RPL26: variants seen among roughly 807,000 people sequenced by gnomAD.
RPL26 encodes ribosomal protein L26.
A neutral mutation model predicts 16.2 loss-of-function variants in RPL26; 1 was observed. The ratio of observed to expected loss-of-function variants is 0.06; its 90% CI spans 0.02 to 0.29. The LOEUF (loss-of-function observed/expected upper bound fraction) is 0.29, where lower values mean the gene tolerates loss of function less well. RPL26 is among the 10% of genes least tolerant of loss of function. The pLI is 1.00. For missense variants in RPL26, 102 were observed against 184.3 expected (o/e 0.55, Z 2.58); for synonymous variants, 55 against 62.4 (o/e 0.88, Z 0.56).
At chr17:8,377,774 T>C in intron 3 of RPL26, 82 bp from the exon 4 acceptor site, 1 of 1,325,704 alleles carries the variant, frequency 7.5e-7, no homozygotes, top group East Asian at 2.4e-5. Flanking sequence ...TCAATACCAT[T>C]TCCCAAACCT....
chr17:8,382,413 C>T, intron 1 of RPL26, 98 bp from the exon 2 acceptor site: 1 of 858,998 alleles, frequency 1.2e-6, no homozygotes, highest in Non-Finnish European at 1.8e-6. Context: ...CTAGAATGAT[C>T]ATAGGCAGTG....
At chr17:8,380,998 G>A (rs1436492598) in intron 2 of RPL26, 1 of 151,292 alleles carries the variant, frequency 6.6e-6, no homozygotes, top group Non-Finnish European at 1.5e-5. Context: ...TGCTCCTAGG[G>A]ATAACACACT....
chr17:8,381,634 A>ACC (rs1195186209), intron 2 of RPL26: 8 of 166,650 alleles, frequency 4.8e-5, no homozygotes, highest in Non-Finnish European at 1.0e-4. Flanking sequence ...GGTAAGAGTG[A>ACC]GACCCCATCT....
In RPL26 at chr17:8,379,828, T is replaced by C; in HGVS notation, c.277A>G (p.Thr93Ala). Residue 93 changes from threonine (T) to alanine (A), a missense_variant, in exon 3 of 4, where the codon ACA (threonine) becomes GCA (alanine). Physicochemically the swap from Thr to Ala is moderately conservative, Grantham distance 58 (BLOSUM62 0). Transcript: ENST00000648839. ...GGGTGAATGCCTACGTGGACAGTTGTGCCATTAGCCTTTTCCCGCTGCACC... is the reference window on the plus strand; with the variant it reads ...GGGTGAATGCCTACGTGGACAGTTGCGCCATTAGCCTTTTCCCGCTGCACC... ...ERVQREKANGTTVHVGIHPSK... is the reference protein window; with the variant it reads ...ERVQREKANGATVHVGIHPSK... 6.2e-7 allele frequency: 1 copy of C among 1,613,806 alleles called. No homozygotes were observed. Among genetic ancestry groups the C allele is most frequent in the Non-Finnish European group, 8.5e-7 (1 of 1,179,922 alleles).
At chr17:8,379,661 T>C in intron 3 of RPL26, 135 bp downstream of exon 3, 2 of 742,220 alleles carry the variant, frequency 2.7e-6, no homozygotes, top group South Asian at 1.8e-5. Flanking sequence ...ACAAGTGCAG[T>C]AGTATTTACT....
At chr17:8,381,521 C>A (rs1418155344) in intron 2 of RPL26, among the ~76,000 whole-genome samples, 1 of 152,086 alleles carries the variant, frequency 6.6e-6, no homozygotes, top group Non-Finnish European at 1.5e-5. Flanking sequence ...CCAATCTGGG[C>A]AGTAAAGTGA....
At chr17:8,380,895 C>T (rs1312124163) in intron 2 of RPL26, 1 of 152,204 alleles carries the variant, frequency 6.6e-6, no homozygotes, top group Non-Finnish European at 1.5e-5. Flanking sequence ...AAACAAACCC[C>T]CTTCTTGCCT....
In RPL26 at chr17:8,382,123, G is replaced by C. The variant is rs780594057; in HGVS notation, c.168+20C>G. The C allele has an allele frequency of 1.9e-6, 3 of 1,605,170 alleles. No individual in the cohort carries two copies. Among genetic ancestry groups the C allele is most frequent in the South Asian group, 2.2e-5 (2 of 90,270 alleles). On this transcript the variant is annotated intron_variant, in intron 2 of 3. Coordinates refer to ENST00000648839, the MANE Select transcript of RPL26 (RefSeq NM_000987.5). The stretch of plus-strand genomic sequence containing the variant: ...CGTAAAATATCCATCAAGACAACGA[G>C]AACAAGTAGGGATACACACCTGAAC...
chr17:8,382,483 G>T, intron 1 of RPL26, 168 bp from the exon 2 acceptor site: 1 of 567,654 alleles, frequency 1.8e-6, no homozygotes, highest in Non-Finnish European at 3.1e-6. Context: ...ACCGAAGCTC[G>T]AAACTTTTTA....
intron 1 of RPL26, chr17:8,382,568 G>T (rs961510456): frequency 2.1e-5 from 9 of 426,626 alleles, no homozygotes; most frequent in Middle Eastern, 6.4e-4. Flanking sequence ...ACTTGTCCTA[G>T]TTATAAGACC....
chr17:8,379,961 A>C (rs775972025), intron 2 of RPL26, 25 bp from the exon 3 acceptor site: 2 of 1,588,668 alleles, frequency 1.3e-6, no homozygotes, highest in Non-Finnish European at 1.7e-6. Flanking sequence ...AAAAGTAACA[A>C]ATATTTGAAT....
intron 3 of RPL26, chr17:8,379,466 C>CA: frequency 2.2e-6 from 1 of 445,050 alleles, no homozygotes; most frequent in East Asian, 3.8e-5. Context: ...CAGCTACACT[C>CA]AGGAGGCTGA....
chr17:8,380,153 A>T, intron 2 of RPL26: 1 of 533,472 alleles, frequency 1.9e-6, no homozygotes, highest in East Asian at 3.0e-5. Context: ...TGAACCCATT[A>T]ATGTGTGCAA....
At chr17:8,378,133 C>T (rs917307575) in intron 3 of RPL26, among the ~76,000 whole-genome samples, 1 of 152,146 alleles carries the variant, frequency 6.6e-6, no homozygotes, top group East Asian at 1.9e-4. Context: ...GAGTTTGAGA[C>T]CAGTCTGGCC....
rs1465364837 is a variant in RPL26, at chr17:8,378,405, C to T, written c.310-713G>A. Among the ~76,000 whole-genome samples the T allele has an allele frequency of 3.3e-5, 5 of 152,108 alleles. No homozygotes were observed. The East Asian group carries it at 7.7e-4, about 23-fold the overall frequency. ...ACTCAGGAGGCTACTGCGGGAGAAT[C>T]GCTTGAACCCAGGAAGCAGAGGTTG... On this transcript the variant is annotated intron_variant, in intron 3 of 3. Transcript: ENST00000648839.
chr17:8,379,737 A>G, intron 3 of RPL26, 59 bp downstream of exon 3: 4 of 1,521,982 alleles, frequency 2.6e-6, no homozygotes, highest in Non-Finnish European at 3.6e-6. Flanking sequence ...TCTGTAAACA[A>G]TCATGTCAAC....
At chr17:8,379,477 G>C (rs1907313568) in intron 3 of RPL26, 1 of 465,618 alleles carries the variant, frequency 2.1e-6, no homozygotes, top group East Asian at 3.6e-5. Flanking sequence ...AGGAGGCTGA[G>C]GCGGGAGAAT....
chr17:8,377,969 A>C (rs1176268163), intron 3 of RPL26, among the ~76,000 whole-genome samples: 1 of 152,230 alleles, frequency 6.6e-6, no homozygotes, highest in Non-Finnish European at 1.5e-5. Context: ...TTTTTCACTG[A>C]GAAATATATG....
intron 3 of RPL26, chr17:8,379,132 CA>C (rs1392815452): frequency 6.6e-6 from 1 of 151,688 alleles, no homozygotes; most frequent in Non-Finnish European, 1.5e-5. Flanking sequence ...CAGACTAGAA[CA>C]TATAGAATGG....
Sources: allele counts gnomAD v4.1 joint callset (sites outside exome capture counted in the v4.1 genomes callset), GRCh38; gene constraint gnomAD v4.1.1; transcripts MANE v1.5; gene names NCBI Gene and HGNC (gene_info 2026-07-23, HGNC 2026-07-21).